Variants in PLA2G4A observed in about 807,000 individuals in gnomAD.
PLA2G4A encodes cytosolic phospholipase A2.
In PLA2G4A, 40 loss-of-function variants were observed where a neutral mutation model predicts 81.9. The observed-to-expected ratio is 0.49, with a 90% CI of 0.38 to 0.64. The LOEUF (loss-of-function observed/expected upper bound fraction) is 0.64. Ranked by LOEUF, PLA2G4A falls within the 30% of genes least tolerant of loss-of-function variation. PLA2G4A has a pLI of 0.00. For synonymous variants in PLA2G4A, 302 were observed against 296.9 expected, an observed-to-expected ratio of 1.02 and a Z score of -0.18; for missense variants, 715 against 905.1, an observed-to-expected ratio of 0.79 and a Z score of 2.69.
intron 3 of PLA2G4A, among the ~76,000 whole-genome samples, chr1:186,875,480 A>C (rs1024572551): frequency 1.3e-5 from 2 of 152,234 alleles, no homozygotes; most frequent in Middle Eastern, 3.4e-3. Flanking sequence ...GCCATGAGAA[A>C]ACAAGAACAT....
chr1:186,854,110 A>G (rs1189702036), intron 1 of PLA2G4A, among the ~76,000 whole-genome samples, 176 bp from the exon 2 acceptor site: 1 of 151,926 alleles, frequency 6.6e-6, no homozygotes, highest in Non-Finnish European at 1.5e-5. Context: ...TATCATCCAA[A>G]CATGTTTACC....
At position 186,928,253 on chromosome 1, in the gene PLA2G4A, T is replaced by G. The variant is rs904773583; in HGVS notation, c.559-4510T>G. ...CTCTTGACCGCTGAGAAATGTAAGC[T>G]GTGAGGGAAACAGGGTCAGGGAGAG... On this transcript the variant is annotated intron_variant, in intron 7 of 17. Transcript: ENST00000367466. Among the ~76,000 whole-genome samples the G allele has an allele frequency of 4.6e-5, 7 of 152,036 alleles. No homozygotes were observed. The South Asian group carries it at 1.5e-3, about 32-fold the overall frequency.
rs529201170 is a variant in PLA2G4A, at chr1:186,933,015, A to T, written c.695+116A>T. ...AATTGATCATTAATTTAAATTACTG[A>T]AACTTTCCAGTTTGATGCCACAATC... On this transcript the variant is annotated intron_variant, in intron 8 of 17. Coordinates refer to ENST00000367466, the MANE Select transcript of PLA2G4A (RefSeq NM_024420.3). The T allele has an allele frequency of 8.8e-4, 697 of 791,428 alleles. 5 individuals are homozygous for T. Among genetic ancestry groups the T allele is most frequent in the South Asian group, 4.1e-3 (254 of 61,866 alleles). 49.0% of individuals were successfully genotyped at this position (791,428 alleles called of 1,614,324 possible).
intron 8 of PLA2G4A, among the ~76,000 whole-genome samples, chr1:186,936,793 G>C (rs907561775): frequency 6.6e-6 from 1 of 151,804 alleles, no homozygotes; most frequent in African/African-American, 2.4e-5. Context: ...TAGATAAAAA[G>C]AATGAGGTGT....
chr1:186,849,040 T>G (rs1571331320), intron 1 of PLA2G4A, among the ~76,000 whole-genome samples: 1 of 152,238 alleles, frequency 6.6e-6, no homozygotes, highest in Admixed American at 6.5e-5. Flanking sequence ...GGAATCTCAC[T>G]TGTTCTGCTT....
At chr1:186,889,299 A>C (rs543153678) in intron 3 of PLA2G4A, among the ~76,000 whole-genome samples, 1 of 152,342 alleles carries the variant, frequency 6.6e-6, no homozygotes, top group South Asian at 2.1e-4. Context: ...GATGATCCAC[A>C]TCAGTGTCAG....
intron 5 of PLA2G4A, among the ~76,000 whole-genome samples, chr1:186,902,346 A>C (rs1354466992): frequency 6.6e-6 from 1 of 152,140 alleles, no homozygotes; most frequent in Non-Finnish European, 1.5e-5. Flanking sequence ...ATCATCAATC[A>C]TTCTATACGA....
intron 5 of PLA2G4A, among the ~76,000 whole-genome samples, chr1:186,906,223 A>G (rs1344960015): frequency 6.6e-6 from 1 of 152,284 alleles, no homozygotes; most frequent in Non-Finnish European, 1.5e-5. Flanking sequence ...GCCAGGGATA[A>G]TATTGAAAAG....
intron 3 of PLA2G4A, among the ~76,000 whole-genome samples, chr1:186,875,082 C>T (rs1009164503): frequency 4.6e-5 from 7 of 152,016 alleles, no homozygotes; most frequent in African/African-American, 7.2e-5. Flanking sequence ...GAGTAGATTC[C>T]GAATTTCTAA....
chr1:186,928,986 G>T, intron 7 of PLA2G4A, among the ~76,000 whole-genome samples: 1 of 152,068 alleles, frequency 6.6e-6, no homozygotes, highest in East Asian at 1.9e-4. Flanking sequence ...TATAACTTTC[G>T]TGTTATTTCT....
intron 1 of PLA2G4A, among the ~76,000 whole-genome samples, chr1:186,841,730 G>A (rs997755604): frequency 4.6e-5 from 7 of 152,120 alleles, no homozygotes; most frequent in African/African-American, 1.2e-4. Context: ...AGTGGTCAAG[G>A]AATGAAAACT....
At chr1:186,941,130 A>G (rs1355650560) in intron 10 of PLA2G4A, among the ~76,000 whole-genome samples, 6 of 150,584 alleles carry the variant, frequency 4.0e-5, no homozygotes, top group Non-Finnish European at 8.9e-5. Context: ...AAAAAAAAAA[A>G]GGGCACAACA....
intron 10 of PLA2G4A, among the ~76,000 whole-genome samples, chr1:186,944,641 A>G (rs1656273541): frequency 6.6e-6 from 1 of 152,176 alleles, no homozygotes; most frequent in Non-Finnish European, 1.5e-5. Context: ...TTGTGATTTC[A>G]TCACTTCCTT....
chr1:186,839,081 A>T (rs1651887373), intron 1 of PLA2G4A, among the ~76,000 whole-genome samples: 1 of 152,234 alleles, frequency 6.6e-6, no homozygotes, highest in Admixed American at 6.5e-5. Context: ...ACATTTTAAA[A>T]TTTAAAAATC....
chr1:186,855,165 CT>C (rs1161445407), intron 2 of PLA2G4A, among the ~76,000 whole-genome samples: 3 of 151,926 alleles, frequency 2.0e-5, no homozygotes, highest in African/African-American at 4.8e-5. Context: ...CCATTCACAA[CT>C]TGAATCATTG....
At chr1:186,971,158 GTTATAC>G (rs1452840518) in intron 15 of PLA2G4A, among the ~76,000 whole-genome samples, 1 of 151,494 alleles carries the variant, frequency 6.6e-6, no homozygotes, top group Non-Finnish European at 1.5e-5. Flanking sequence ...GCATTATTTT[GTTATAC>G]TTATTATATC....
chr1:186,979,015 C>T (rs1438539630), intron 16 of PLA2G4A, among the ~76,000 whole-genome samples: 1 of 152,162 alleles, frequency 6.6e-6, no homozygotes, highest in Non-Finnish European at 1.5e-5. Context: ...TTTGGTTGAC[C>T]ACTGCCTGGG....
intron 13 of PLA2G4A, among the ~76,000 whole-genome samples, chr1:186,952,016 C>A (rs2102245393): frequency 6.6e-6 from 1 of 152,270 alleles, no homozygotes; most frequent in African/African-American, 2.4e-5. Flanking sequence ...AGTCTTCATC[C>A]TGGCTCCTTC....
At chr1:186,839,552 C>T (rs1014658923) in intron 1 of PLA2G4A, among the ~76,000 whole-genome samples, 10 of 152,150 alleles carry the variant, frequency 6.6e-5, no homozygotes, top group Non-Finnish European at 1.3e-4. Context: ...TCAACTGAAA[C>T]CTGCTTATTG....
Sources: gnomAD v4.1 joint callset for allele counts (sites outside exome capture counted in the v4.1 genomes callset) on GRCh38, gnomAD v4.1.1 for gene constraint, MANE v1.5 for transcripts, NCBI Gene and HGNC (gene_info 2026-07-23, HGNC 2026-07-21) for gene names.